The following ASCC3 variants were observed in gnomAD, a reference collection of about 807,000 sequenced individuals.
ASCC3 encodes ASC-1 complex subunit P200.
Under a neutral mutation model 256.3 loss-of-function variants are expected in ASCC3, and 158 were observed. That is an observed-to-expected ratio of 0.62 (90% CI 0.54 to 0.70). The LOEUF (loss-of-function observed/expected upper bound fraction) is 0.70, where lower values mean the gene tolerates loss of function less well. ASCC3 is among the 30% of genes least tolerant of loss of function. The pLI, the probability that ASCC3 is intolerant of heterozygous loss-of-function variation, is 0.00. For synonymous variants in ASCC3, 948 were observed against 883.4 expected (o/e 1.07, Z -1.30); for missense variants, 2,259 against 2,626.0 (o/e 0.86, Z 3.05).
At chr6:100,571,383 T>C (rs940059938) in intron 36 of ASCC3, among the ~76,000 whole-genome samples, 1 of 152,184 alleles carries the variant, frequency 6.6e-6, no homozygotes, top group Non-Finnish European at 1.5e-5. Context: ...ATCTTCTGAT[T>C]ATTACCGTGT....
intron 5 of ASCC3, among the ~76,000 whole-genome samples, chr6:100,802,314 C>T (rs1467656452): frequency 1.3e-5 from 2 of 151,948 alleles, no homozygotes; most frequent in Non-Finnish European, 2.9e-5. Context: ...CCTTTTAGAA[C>T]GGTCGTTTAA....
At chr6:100,549,987 G>A (rs1283107248) in intron 36 of ASCC3, among the ~76,000 whole-genome samples, 2 of 151,882 alleles carry the variant, frequency 1.3e-5, no homozygotes, top group Non-Finnish European at 2.9e-5. Context: ...AGGAGCATCT[G>A]AGGTTTAAGC....
chr6:100,632,695 A>C (rs2114869851), intron 25 of ASCC3, among the ~76,000 whole-genome samples: 1 of 152,298 alleles, frequency 6.6e-6, no homozygotes, highest in East Asian at 1.9e-4. Flanking sequence ...ACTAATCTTC[A>C]ACAAGGGCCT....
intron 25 of ASCC3, among the ~76,000 whole-genome samples, chr6:100,635,965 C>G (rs1387712748): frequency 6.6e-6 from 1 of 152,094 alleles, no homozygotes; most frequent in South Asian, 2.1e-4. Context: ...GGGTTTCTCA[C>G]AGTGAAATTA....
At chr6:100,842,556 A>T (rs1772195000) in intron 4 of ASCC3, among the ~76,000 whole-genome samples, 1 of 152,224 alleles carries the variant, frequency 6.6e-6, no homozygotes, top group Non-Finnish European at 1.5e-5. Flanking sequence ...CATTGAAATG[A>T]TTTATAAAAA....
At chr6:100,790,312 CCCATCAGTCCTA>C (rs1359661594) in intron 8 of ASCC3, among the ~76,000 whole-genome samples, 2 of 151,900 alleles carry the variant, frequency 1.3e-5, no homozygotes. Context: ...GGAGGGAACT[CCCATCAGTCCTA>C]CCTAACTGGA....
chr6:100,710,300 C>T (rs928766352), intron 13 of ASCC3, among the ~76,000 whole-genome samples: 2 of 152,112 alleles, frequency 1.3e-5, no homozygotes, highest in East Asian at 3.9e-4. Flanking sequence ...CTAAATTCTG[C>T]CTCAGCTGTG....
At chr6:100,806,275 T>C (rs1770177019) in intron 4 of ASCC3, among the ~76,000 whole-genome samples, 1 of 151,998 alleles carries the variant, frequency 6.6e-6, no homozygotes, top group African/African-American at 2.4e-5. Context: ...AACAGTGTAA[T>C]TTTTAGCGTT....
chr6:100,789,161 G>C (rs1378332236), intron 8 of ASCC3, among the ~76,000 whole-genome samples: 1 of 151,814 alleles, frequency 6.6e-6, no homozygotes, highest in Admixed American at 6.6e-5. Flanking sequence ...TTGGTGGGGA[G>C]GCCATTTATA....
At chr6:100,783,992 C>G (rs1056687069) in intron 8 of ASCC3, among the ~76,000 whole-genome samples, 1 of 152,018 alleles carries the variant, frequency 6.6e-6, no homozygotes, top group African/African-American at 2.4e-5. Flanking sequence ...AAGAACTTAA[C>G]CAGGATAAAT....
intron 8 of ASCC3, among the ~76,000 whole-genome samples, chr6:100,772,612 C>A (rs944521598): frequency 3.9e-5 from 6 of 152,136 alleles, no homozygotes; most frequent in African/African-American, 9.7e-5. Flanking sequence ...ATCTCTTAGG[C>A]CTAGAAGCTC....
intron 10 of ASCC3, among the ~76,000 whole-genome samples, chr6:100,744,292 G>C (rs749108934): frequency 9.2e-5 from 14 of 152,060 alleles, no homozygotes; most frequent in Admixed American, 3.3e-4. Flanking sequence ...GAGAATGGAG[G>C]AGTAGGGGCA....
intron 37 of ASCC3, among the ~76,000 whole-genome samples, chr6:100,526,157 A>C (rs1383953956): frequency 1.3e-5 from 2 of 152,212 alleles, no homozygotes. Flanking sequence ...TAACAAACTT[A>C]ATTAATCAAA....
At chr6:100,522,995 T>C in intron 37 of ASCC3, among the ~76,000 whole-genome samples, 1 of 144,208 alleles carries the variant, frequency 6.9e-6, no homozygotes, top group Non-Finnish European at 1.5e-5. Flanking sequence ...CTCTGAGGAA[T>C]GTGCATACTA....
intron 25 of ASCC3, among the ~76,000 whole-genome samples, chr6:100,632,745 G>A (rs240143): frequency 0.56 from 85,524 of 151,886 alleles, 24,292 homozygotes; most frequent in East Asian, 0.73. Flanking sequence ...TCTCTTCTAT[G>A]AATGATGTTG....
At chr6:100,830,275 T>G (rs1254947052) in intron 4 of ASCC3, among the ~76,000 whole-genome samples, 1 of 151,934 alleles carries the variant, frequency 6.6e-6, no homozygotes, top group African/African-American at 2.4e-5. Flanking sequence ...TTTAACTGAG[T>G]ATCTGAATGA....
At chr6:100,677,359 C>G (rs1031084780) in intron 14 of ASCC3, among the ~76,000 whole-genome samples, 5 of 145,934 alleles carry the variant, frequency 3.4e-5, no homozygotes, top group Non-Finnish European at 7.5e-5. Flanking sequence ...ACCCCATGCC[C>G]TAAGGTCTTC....
intron 36 of ASCC3, among the ~76,000 whole-genome samples, chr6:100,551,335 G>A (rs17060716): frequency 0.031 from 4,742 of 151,888 alleles, 246 homozygotes; most frequent in African/African-American, 0.11. Flanking sequence ...ATGCAAAATG[G>A]CAACTGGACA....
chr6:100,689,116 A>C (rs960089666), intron 13 of ASCC3, among the ~76,000 whole-genome samples: 3 of 152,132 alleles, frequency 2.0e-5, no homozygotes, highest in African/African-American at 7.2e-5. Context: ...AAACCTACAA[A>C]GCCCAGTTCT....
Sources: gnomAD v4.1 joint callset for allele counts (sites outside exome capture counted in the v4.1 genomes callset) on GRCh38, gnomAD v4.1.1 for gene constraint, MANE v1.5 for transcripts, NCBI Gene and HGNC (gene_info 2026-07-23, HGNC 2026-07-21) for gene names.